PSPC1: variants seen among roughly 807,000 people sequenced by gnomAD.
PSPC1 encodes the protein paraspeckle protein 1.
In PSPC1, 14 loss-of-function variants were observed where a neutral mutation model predicts 51.6. The observed-to-expected ratio is 0.27, with a 90% confidence interval of 0.18 to 0.42. The LOEUF is 0.42. Among genes scored for constraint, PSPC1 ranks in the 10% least tolerant of loss-of-function variants. PSPC1 has a pLI of 1.00. For missense variants in PSPC1, 406 were observed against 701.1 expected (o/e 0.58, Z 4.75); for synonymous variants, 193 against 231.9 (o/e 0.83, Z 1.53).
At position 19,759,382 on chromosome 13, in the gene PSPC1, C is replaced by T; in HGVS notation, c.711G>A (p.Gln237=). 6.2e-7 allele frequency: 1 copy of T among 1,614,162 alleles called. No homozygotes were observed. Among genetic ancestry groups the T allele is most frequent in the Non-Finnish European group, 8.5e-7 (1 of 1,180,032 alleles). The change falls in exon 3 of 9, where the codon CAG becomes CAA. Residue 237 remains glutamine (Q), a synonymous_variant. Transcript: ENST00000338910. ...PRPVIVEPME[Q]FDDEDGLPEK... ...CTGGCAAGCCATCTTCATCATCAAA[C>T]TGCTCCATGGGTTCCACAATGACTG...
At chr13:19,699,228 G>A (rs117541923), downstream of PSPC1, among the ~76,000 whole-genome samples, 2,283 of 151,630 alleles carry the variant, frequency 0.015, 28 homozygotes, top group Middle Eastern at 0.044. Context: ...TTGTAGAGAC[G>A]AGGTCTCACT....
intron 6 of PSPC1, among the ~76,000 whole-genome samples, chr13:19,687,132 C>T (rs748586601): frequency 3.5e-4 from 54 of 152,220 alleles, no homozygotes; most frequent in African/African-American, 1.3e-3. Context: ...ATCCGGGAGG[C>T]GGAGGTTGTG....
intron 6 of PSPC1, among the ~76,000 whole-genome samples, chr13:19,716,915 C>T (rs1300035362): frequency 2.6e-5 from 4 of 152,048 alleles, no homozygotes; most frequent in East Asian, 1.9e-4. Context: ...GTTGGCCAGG[C>T]GCGGTGGCTC....
chr13:19,762,745 A>T (rs1240772577), intron 2 of PSPC1, among the ~76,000 whole-genome samples: 2 of 152,306 alleles, frequency 1.3e-5, no homozygotes, highest in East Asian at 3.9e-4. Context: ...TCCCTATAGA[A>T]GCTCCCTTTG....
At chr13:19,677,075 A>C (rs558552229) in intron 7 of PSPC1, among the ~76,000 whole-genome samples, 1 of 152,272 alleles carries the variant, frequency 6.6e-6, no homozygotes, top group South Asian at 2.1e-4. Context: ...TCTACTAAAA[A>C]TACAAAAATT....
intron 6 of PSPC1, among the ~76,000 whole-genome samples, chr13:19,681,811 C>T (rs1217605689): frequency 5.3e-5 from 8 of 152,168 alleles, no homozygotes; most frequent in African/African-American, 1.9e-4. Context: ...AGGCACAGAC[C>T]ACAACACTGG....
intron 1 of PSPC1, among the ~76,000 whole-genome samples, chr13:19,780,437 A>T (rs1306031419): frequency 1.5e-5 from 1 of 64,746 alleles, no homozygotes; most frequent in African/African-American, 3.8e-5. Flanking sequence ...AGAAGTAGAC[A>T]TGGGAGACTT....
chr13:19,709,222 C>G (rs1383273984), intron 7 of PSPC1, among the ~76,000 whole-genome samples: 1 of 145,026 alleles, frequency 6.9e-6, no homozygotes, highest in Non-Finnish European at 1.5e-5. Context: ...ACTGCAAAGA[C>G]AGAGCTGTAT....
At chr13:19,752,048 A>G (rs1285270044) in intron 3 of PSPC1, among the ~76,000 whole-genome samples, 1 of 151,976 alleles carries the variant, frequency 6.6e-6, no homozygotes. Context: ...ACAGAGCGAG[A>G]CTCCGTCCCA....
intron 8 of PSPC1, among the ~76,000 whole-genome samples, chr13:19,703,733 TA>T (rs918452168): frequency 3.9e-5 from 6 of 152,056 alleles, no homozygotes; most frequent in African/African-American, 1.4e-4. Context: ...AATACGTTCT[TA>T]AAAAAATCAG....
chr13:19,705,458 C>T (rs1440589586), intron 8 of PSPC1, among the ~76,000 whole-genome samples: 1 of 150,894 alleles, frequency 6.6e-6, no homozygotes, highest in South Asian at 2.1e-4. Context: ...GTGCCATGCA[C>T]ACCAGCCTCG....
rs1441202332 is a variant in PSPC1, at chr13:19,730,961, A to AAAAAAAC, written c.1053-618_1053-617insGTTTTTT. Among the ~76,000 whole-genome samples, 64 of 23,580 alleles carry AAAAAAAC rather than the reference A, an allele frequency of 2.7e-3. 2 individuals carry two copies. The highest frequency in any genetic ancestry group is 0.015 in the South Asian group (5 of 328). 15.5% of individuals were successfully genotyped at this position (23,580 alleles called of 152,430 possible). ...CCCTGTCTCAGAAAAAAAAAACAAA[A>AAAAAAAC]AAACAAAAAAAAAAAAAACAGAAAA... On this transcript the variant is annotated intron_variant, in intron 5 of 8. Coordinates refer to ENST00000338910, the MANE Select transcript of PSPC1 (RefSeq NM_001354909.2).
At chr13:19,747,998 G>A (rs186326574) in intron 4 of PSPC1, among the ~76,000 whole-genome samples, 8 of 152,294 alleles carry the variant, frequency 5.3e-5, no homozygotes, top group Admixed American at 5.2e-4. Flanking sequence ...TAGATCACTT[G>A]AGGTCAGGAG....
chr13:19,708,157 T>C (rs1370113405), intron 7 of PSPC1, among the ~76,000 whole-genome samples: 1 of 152,180 alleles, frequency 6.6e-6, no homozygotes, highest in Non-Finnish European at 1.5e-5. Flanking sequence ...CTACATTATC[T>C]GATTAGTAGT....
intron 5 of PSPC1, among the ~76,000 whole-genome samples, chr13:19,734,149 C>A (rs1057251293): frequency 5.3e-5 from 8 of 152,190 alleles, no homozygotes; most frequent in Non-Finnish European, 7.4e-5. Context: ...ATTATTTCTA[C>A]TCCACAAATG....
At chr13:19,751,951 G>A (rs1295063352) in intron 3 of PSPC1, among the ~76,000 whole-genome samples, 7 of 152,124 alleles carry the variant, frequency 4.6e-5, no homozygotes, top group Non-Finnish European at 7.3e-5. Context: ...CCAGCTACTC[G>A]GGAGGCTGAG....
intron 4 of PSPC1, among the ~76,000 whole-genome samples, 153 bp from the exon 5 acceptor site, chr13:19,741,802 G>A (rs748937306): frequency 6.6e-6 from 1 of 152,052 alleles, no homozygotes; most frequent in Non-Finnish European, 1.5e-5. Flanking sequence ...TATCCTTTCT[G>A]AGCACGTTTC....
rs1300210922 is a variant in PSPC1, at chr13:19,735,886, A to ATC, written c.1053-5544_1053-5543dup. 2.6e-5 allele frequency among the ~76,000 whole-genome samples: 4 copies of ATC among 151,060 alleles called. No homozygotes were observed. The East Asian group carries it at 7.7e-4, about 29-fold the overall frequency. ...ACCCAGGCTGGAGTGCAGTGGCGCC[A>ATC]TCTCTGCTCACTGCAAGCTACGCCT... On this transcript the variant is annotated intron_variant, in intron 5 of 8. Transcript: ENST00000338910.
chr13:19,716,438 C>T (rs1177389738), intron 6 of PSPC1, among the ~76,000 whole-genome samples: 1 of 152,182 alleles, frequency 6.6e-6, no homozygotes, highest in Non-Finnish European at 1.5e-5. Flanking sequence ...ATTCATCTAA[C>T]ACTTTATCAA....
Sources: allele counts gnomAD v4.1 joint callset (sites outside exome capture counted in the v4.1 genomes callset), GRCh38; gene constraint gnomAD v4.1.1; transcripts MANE v1.5; gene names NCBI Gene and HGNC (gene_info 2026-07-23, HGNC 2026-07-21).